The following ZNF813 variants were observed in gnomAD, a reference collection of about 807,000 sequenced individuals.
ZNF813 encodes zinc finger protein 813.
A neutral mutation model predicts 7.2 loss-of-function variants in ZNF813; 3 were observed. The observed-to-expected ratio is 0.42, with a 90% CI of 0.19 to 1.08. ZNF813 has a LOEUF of 1.08. Ranked by LOEUF, ZNF813 falls within the 50% of genes least tolerant of loss-of-function variation. The probability of loss-of-function intolerance (pLI) is 0.30; values close to 1 mark genes in which losing one functional copy is unlikely to be tolerated. For synonymous variants in ZNF813, 227 were observed against 256.3 expected (o/e 0.89, Z 1.09); for missense variants, 714 against 753.3 (o/e 0.95, Z 0.61).
In ZNF813 at chr19:53,492,230, A is replaced by C. The variant is rs2086467384; in HGVS notation, c.*144A>C. 1.7e-6 allele frequency: 2 copies of C among 1,206,210 alleles called. No individual in the cohort carries two copies. The highest frequency in any genetic ancestry group is 2.5e-5 in the Admixed American group (1 of 40,248). The allele number at this position is 1,206,210 out of a possible 1,614,324, so 74.7% of individuals were successfully genotyped here. Reference sequence around the variant, plus strand: ...GAAACAAGTGTAATGAACGTTGCAAAATTTTTAATCAACAAGCACACCTTC... The same window carrying C: ...GAAACAAGTGTAATGAACGTTGCAACATTTTTAATCAACAAGCACACCTTC... On this transcript the variant is annotated 3_prime_UTR_variant, in exon 4 of 4. Transcript: ENST00000396403.
At chr19:53,471,626 G>A (rs1326585643) in intron 1 of ZNF813, among the ~76,000 whole-genome samples, 1 of 151,816 alleles carries the variant, frequency 6.6e-6, no homozygotes, top group South Asian at 2.1e-4. Flanking sequence ...TGGCTAACAC[G>A]GTGAAACCCC....
At chr19:53,472,607 C>CTTTTTTTTT (rs200658542) in intron 1 of ZNF813, among the ~76,000 whole-genome samples, 1,852 of 135,972 alleles carry the variant, frequency 0.014, 124 homozygotes, top group East Asian at 0.027. Context: ...AAGTACAAGT[C>CTTTTTTTTT]TTTCTTTTTT....
intron 3 of ZNF813, chr19:53,488,277 C>T: frequency 2.2e-6 from 1 of 455,354 alleles, no homozygotes; most frequent in Non-Finnish European, 4.4e-6. Flanking sequence ...TCAACCTCAG[C>T]CTCCGAAACT....
chr19:53,485,365 C>T (rs527790813), intron 2 of ZNF813, among the ~76,000 whole-genome samples: 1 of 152,220 alleles, frequency 6.6e-6, no homozygotes, highest in South Asian at 2.1e-4. Context: ...TTTGTAAAAA[C>T]TTTATATACA....
chr19:53,486,142 T>G (rs1386545396), intron 2 of ZNF813, among the ~76,000 whole-genome samples: 1 of 152,126 alleles, frequency 6.6e-6, no homozygotes, highest in Non-Finnish European at 1.5e-5. Flanking sequence ...ATCTAGATAC[T>G]GAATGTCACT....
At chr19:53,467,955 T>C (rs2086335578) in intron 1 of ZNF813, among the ~76,000 whole-genome samples, 166 bp downstream of exon 1, 1 of 151,968 alleles carries the variant, frequency 6.6e-6, no homozygotes, top group Admixed American at 6.6e-5. Context: ...TCCTTTTGTG[T>C]TTAAGGTCGC....
intron 1 of ZNF813, among the ~76,000 whole-genome samples, chr19:53,477,615 A>C (rs1445023416): frequency 6.6e-6 from 1 of 151,660 alleles, no homozygotes; most frequent in Non-Finnish European, 1.5e-5. Flanking sequence ...CAGGTATATG[A>C]GACCAGCCTG....
intron 1 of ZNF813, among the ~76,000 whole-genome samples, chr19:53,469,391 T>C (rs1312005524): frequency 1.3e-5 from 2 of 152,062 alleles, no homozygotes; most frequent in African/African-American, 2.4e-5. Flanking sequence ...TCCCCTGGTA[T>C]GTAGCCATCT....
At chr19:53,485,609 G>GATATATATAA (rs1568831946) in intron 2 of ZNF813, among the ~76,000 whole-genome samples, 1 of 151,470 alleles carries the variant, frequency 6.6e-6, no homozygotes, top group African/African-American at 2.4e-5. Flanking sequence ...GATATATATC[G>GATATATATAA]TGATATATAC....
At position 53,491,198 on chromosome 19, in the gene ZNF813, T is replaced by C. The variant is rs1252939224; in HGVS notation, c.966T>C (p.Ala322=). 10 of 1,613,702 alleles carry C rather than the reference T, an allele frequency of 6.2e-6. No homozygotes were observed. Among genetic ancestry groups the C allele is most frequent in the Non-Finnish European group, 6.8e-6 (8 of 1,179,790 alleles). The change falls in exon 4 of 4, where the codon GCT becomes GCC. Residue 322 remains alanine, a synonymous_variant. Coordinates refer to ENST00000396403, the MANE Select transcript of ZNF813 (RefSeq NM_001004301.4). ...SNLKRHRRIH[A]GEKPYKCNEC... ...TTAAAAGACATAGGAGAATTCATGCTGGAGAAAAACCATACAAGTGTAATG... is the reference window on the plus strand; with the variant it reads ...TTAAAAGACATAGGAGAATTCATGCCGGAGAAAAACCATACAAGTGTAATG...
chr19:53,480,395 G>A (rs550961729), intron 1 of ZNF813, among the ~76,000 whole-genome samples: 2 of 150,812 alleles, frequency 1.3e-5, no homozygotes, highest in Admixed American at 1.3e-4. Flanking sequence ...AATTACTTCT[G>A]GAAGATGCCT....
intron 1 of ZNF813, among the ~76,000 whole-genome samples, chr19:53,472,081 G>A (rs1484956817): frequency 2.0e-5 from 3 of 152,108 alleles, no homozygotes; most frequent in Non-Finnish European, 4.4e-5. Flanking sequence ...TTGCTGGTCC[G>A]GGTTCCTTTT....
chr19:53,483,992 A>G (rs957280336), intron 2 of ZNF813, among the ~76,000 whole-genome samples, 155 bp downstream of exon 2: 21 of 152,026 alleles, frequency 1.4e-4, no homozygotes, highest in African/African-American at 5.1e-4. Context: ...TCTCACTTAG[A>G]TTCCATCTCT....
At chr19:53,472,594 T>TATAAGTACA (rs952310899) in intron 1 of ZNF813, among the ~76,000 whole-genome samples, 7 of 149,538 alleles carry the variant, frequency 4.7e-5, no homozygotes, top group African/African-American at 1.7e-4. Flanking sequence ...ATGGTCTGAT[T>TATAAGTACA]ATAAGTACAA....
chr19:53,473,540 C>T (rs1050362030), intron 1 of ZNF813, among the ~76,000 whole-genome samples: 13 of 152,162 alleles, frequency 8.5e-5, no homozygotes, highest in East Asian at 1.9e-4. Context: ...GGTGGATCTA[C>T]GGCATGATTC....
rs1433096980 is a variant in ZNF813 at position 53,492,259 on chromosome 19, GTCA to G, written c.*178_*180del. On this transcript the variant is annotated 3_prime_UTR_variant, in exon 4 of 4. Transcript: ENST00000396403. ...TTTAATCAACAAGCACACCTTCCAC[GTCA>G]TCATAGACTTCATAGTGGAGAGAAA... The G allele has an allele frequency of 1.3e-5, 12 of 945,636 alleles. No homozygotes were observed. The highest frequency in any genetic ancestry group is 1.8e-5 in the Non-Finnish European group (11 of 618,802). 58.6% of individuals were successfully genotyped at this position (945,636 alleles called of 1,614,324 possible).
rs569999886 is a variant in ZNF813, at chr19:53,491,784, A to G, written c.1552A>G (p.Thr518Ala). 45 of 1,612,924 alleles carry G rather than the reference A, an allele frequency of 2.8e-5. No homozygotes were observed. The Middle Eastern group carries it at 2.5e-3, about 89-fold the overall frequency. Residue 518 changes from threonine (T) to alanine (A), a missense_variant, in exon 4 of 4, where the codon ACT becomes GCT. Thr to Ala is a moderately conservative substitution (Grantham distance 58). Around this residue, in one of 3 missense-constraint regions of ZNF813, gnomAD observed 122 missense variants for 146.8 expected, o/e 0.83. Transcript: ENST00000396403. ...THLACHHRLH[T>A]GEKPYKCNEC... is the part of the protein sequence containing the mutation. ...CCTTGCATGTCATCATAGACTTCATACTGGAGAGAAACCTTACAAGTGTAA... is the reference window on the plus strand; with the variant it reads ...CCTTGCATGTCATCATAGACTTCATGCTGGAGAGAAACCTTACAAGTGTAA...
At chr19:53,468,451 ACCGG>A (rs2086339406) in intron 1 of ZNF813, among the ~76,000 whole-genome samples, 1 of 152,138 alleles carries the variant, frequency 6.6e-6, no homozygotes. Context: ...GGCCCAGGGG[ACCGG>A]CGCTCAGCAT....
At chr19:53,481,062 A>G (rs2086405919) in intron 1 of ZNF813, among the ~76,000 whole-genome samples, 1 of 152,148 alleles carries the variant, frequency 6.6e-6, no homozygotes. Context: ...CACATGATCT[A>G]TAGATGTGTC....
Sources: gnomAD v4.1 joint callset for allele counts (sites outside exome capture counted in the v4.1 genomes callset) on GRCh38, gnomAD v4.1.1 for gene constraint, gnomAD v4.1.1 regional missense constraint, MANE v1.5 for transcripts, NCBI Gene and HGNC (gene_info 2026-07-23, HGNC 2026-07-21) for gene names.